The following ZXDC variants were observed in gnomAD, a reference collection of about 807,000 sequenced individuals.
ZXDC encodes the protein ZXD family zinc finger C, also known as zinc finger protein ZXDC.
Under a neutral mutation model 63.6 loss-of-function variants are expected in ZXDC, and 58 were observed. The ratio of observed to expected loss-of-function variants is 0.91; its 90% CI spans 0.74 to 1.13. The LOEUF (loss-of-function observed/expected upper bound fraction) is 1.13. Ranked by LOEUF, ZXDC falls within the 50% of genes most tolerant of loss-of-function variation. ZXDC has a pLI of 0.00. For synonymous variants in ZXDC, 561 were observed against 496.1 expected, an observed-to-expected ratio of 1.13 and a Z score of -1.74; for missense variants, 1,133 against 1,148.9, an observed-to-expected ratio of 0.99 and a Z score of 0.20.
At chr3:126,466,867 A>G (rs1934789908) in intron 4 of ZXDC, among the ~76,000 whole-genome samples, 1 of 152,110 alleles carries the variant, frequency 6.6e-6, no homozygotes, top group Non-Finnish European at 1.5e-5. Flanking sequence ...CTCCCAGTCC[A>G]CTTATGTCTC....
chr3:126,468,121 T>A (rs776654299), intron 4 of ZXDC, among the ~76,000 whole-genome samples: 6 of 151,966 alleles, frequency 3.9e-5, no homozygotes, highest in Non-Finnish European at 5.9e-5. Flanking sequence ...GAAGCAGCCA[T>A]CACTGACAGA....
intron 7 of ZXDC, chr3:126,457,200 C>A (rs893746382): frequency 1.1e-6 from 1 of 936,738 alleles, no homozygotes; most frequent in African/African-American, 1.8e-5. Context: ...GCCAGGACTG[C>A]GGCCACAGGG....
Position 126,472,295 on chromosome 3 carries a change from C to A in ZXDC, c.918G>T (p.Lys306Asn). The A allele has an allele frequency of 6.2e-7, 1 of 1,607,544 alleles. No homozygotes were observed. The highest frequency in any genetic ancestry group is 8.5e-7 in the Non-Finnish European group (1 of 1,174,538). Residue 306 changes from lysine to asparagine, a missense_variant, in exon 2 of 10, where the codon AAG becomes AAT. By Grantham distance (94) the Lys-to-Asn change is moderately conservative (BLOSUM62 0). Transcript: ENST00000389709. ...PYKCDFPGCEKTFITVSALFS... is the reference protein window; with the variant it reads ...PYKCDFPGCENTFITVSALFS... ...ACAGGGCACTCACTGTGATAAATGT[C>A]TTCTCACAGCCTGAACAAGGAAAAC...
At chr3:126,447,643 G>A (rs1350306311) in intron 7 of ZXDC, among the ~76,000 whole-genome samples, 1 of 152,164 alleles carries the variant, frequency 6.6e-6, no homozygotes, top group Non-Finnish European at 1.5e-5. Flanking sequence ...CACTGAAAAT[G>A]CCACTGACAG....
At position 126,475,586 on chromosome 3, in the gene ZXDC, G is replaced by T; in HGVS notation, c.280C>A (p.Gln94Lys). The T allele has an allele frequency of 6.8e-7, 1 of 1,460,440 alleles. No individual in the cohort carries two copies. 90.5% of individuals were successfully genotyped at this position (1,460,440 alleles called of 1,614,324 possible). Residue 94 changes from glutamine to lysine, a missense_variant, in exon 1 of 10, where the codon CAG becomes AAG. Coordinates refer to ENST00000389709, the MANE Select transcript of ZXDC (RefSeq NM_025112.5). ...ACACGGGAGCCAGGCTCGGCCTCCT[G>T]TGATCCGGCAGCCTCGGCGGCAGCG... Reference protein sequence around the residue: ...GGAAAEAAGSQEAEPGSRVNL... With the variant: ...GGAAAEAAGSKEAEPGSRVNL...
At chr3:126,474,576 C>A (rs1935107189) in intron 1 of ZXDC, among the ~76,000 whole-genome samples, 1 of 152,222 alleles carries the variant, frequency 6.6e-6, no homozygotes, top group Non-Finnish European at 1.5e-5. Context: ...TGGCCACATT[C>A]ATCTCTGCTC....
intron 6 of ZXDC, 90 bp from the exon 7 acceptor site, chr3:126,459,827 G>A: frequency 6.2e-7 from 1 of 1,603,468 alleles, no homozygotes; most frequent in Non-Finnish European, 8.5e-7. Flanking sequence ...GCCTGCTTCT[G>A]GGACATATCC....
intron 5 of ZXDC, among the ~76,000 whole-genome samples, chr3:126,465,713 G>C (rs570540669): frequency 1.3e-5 from 2 of 152,338 alleles, no homozygotes; most frequent in South Asian, 2.1e-4. Context: ...CACTTTGGGA[G>C]GCTGAGGTGG....
intron 5 of ZXDC, among the ~76,000 whole-genome samples, chr3:126,464,361 A>G (rs948211065): frequency 1.1e-4 from 16 of 152,168 alleles, no homozygotes; most frequent in African/African-American, 3.4e-4. Context: ...ATCAGTGACA[A>G]AGCAGTGAGG....
chr3:126,451,591 G>A lies in ZXDC; in HGVS notation c.2212+8062C>T, dbSNP rs1483522975. 8 of 985,326 alleles carry A rather than the reference G, an allele frequency of 8.1e-6. No individual in the cohort carries two copies. In the East Asian group the frequency reaches 5.7e-4, roughly 70 times the overall value. The allele number at this position is 985,326 out of a possible 1,614,324, so 61.0% of individuals were successfully genotyped here. On this transcript the variant is annotated intron_variant, in intron 7 of 9. Coordinates refer to ENST00000389709, the MANE Select transcript of ZXDC (RefSeq NM_025112.5). Reference sequence around the variant, plus strand: ...TCCTGAGAAAGCACAAGGACGCGCTGTGTGCACCAAGGCCGGCACTGGGCT... The same window carrying A: ...TCCTGAGAAAGCACAAGGACGCGCTATGTGCACCAAGGCCGGCACTGGGCT...
intron 7 of ZXDC, chr3:126,452,980 C>A: frequency 1.0e-6 from 1 of 977,880 alleles, no homozygotes; most frequent in Middle Eastern, 5.3e-4. Context: ...TCAAGCAATA[C>A]TCCCACCTCA....
chr3:126,456,771 C>T (rs1934321971), intron 7 of ZXDC, among the ~76,000 whole-genome samples: 15 of 151,926 alleles, frequency 9.9e-5, no homozygotes, highest in Admixed American at 9.8e-4. Context: ...CTTAGGGACC[C>T]CCAAGCCCCA....
In ZXDC at chr3:126,457,693, A is replaced by G. The variant is rs1383343830; in HGVS notation, c.2212+1960T>C. On this transcript the variant is annotated intron_variant, in intron 7 of 9. Coordinates refer to ENST00000389709, the MANE Select transcript of ZXDC (RefSeq NM_025112.5). ...AAAAACGAGAAGCTGCGCTTTATAG[A>G]CATGTCCCAGCTATAAGTAAGAAAG... 6.2e-6 allele frequency: 6 copies of G among 971,210 alleles called. No individual in the cohort carries two copies. The East Asian group carries it at 5.7e-4, about 92-fold the overall frequency. 60.2% of individuals were successfully genotyped at this position (971,210 alleles called of 1,614,324 possible).
intron 7 of ZXDC, chr3:126,451,610 C>T: frequency 7.1e-6 from 7 of 985,454 alleles, no homozygotes; most frequent in Non-Finnish European, 6.0e-6. Flanking sequence ...AAGGCCGGCA[C>T]TGGGCTCCTG....
chr3:126,449,912 C>T (rs1934032242), intron 7 of ZXDC, among the ~76,000 whole-genome samples: 1 of 152,222 alleles, frequency 6.6e-6, no homozygotes, highest in Non-Finnish European at 1.5e-5. Flanking sequence ...AAAGTGACAG[C>T]AGGACGCTCT....
intron 7 of ZXDC, chr3:126,454,051 CATAT>C: frequency 1.4e-6 from 1 of 698,100 alleles, no homozygotes; most frequent in Non-Finnish European, 1.7e-6. Context: ...TAGTACTACA[CATAT>C]ATATATATAT....
intron 7 of ZXDC, chr3:126,458,815 T>C (rs1004792546): frequency 1.3e-5 from 13 of 985,342 alleles, no homozygotes; most frequent in Non-Finnish European, 1.6e-5. Flanking sequence ...TTCTGGTACT[T>C]TGTGAACTGT....
chr3:126,459,606 G>T, intron 7 of ZXDC, 47 bp downstream of exon 7: 1 of 1,612,738 alleles, frequency 6.2e-7, no homozygotes, highest in Non-Finnish European at 8.5e-7. Flanking sequence ...CAGTGACAGA[G>T]AACCCTCAGG....
rs750396429 is a variant in ZXDC, at chr3:126,441,997, G to A, written c.2213-51C>T. ...CACCCAATCTACAATCTACCAGTCAGGTCTGCCCTTACCAAGGTCTCACTA... is the reference window on the plus strand; with the variant it reads ...CACCCAATCTACAATCTACCAGTCAAGTCTGCCCTTACCAAGGTCTCACTA... On this transcript the variant is annotated intron_variant, in intron 7 of 9. Coordinates refer to ENST00000389709, the MANE Select transcript of ZXDC (RefSeq NM_025112.5). The A allele has an allele frequency of 4.4e-5, 66 of 1,507,906 alleles. 1 individual carries two copies. The highest frequency in any genetic ancestry group is 2.7e-6 in the Non-Finnish European group (3 of 1,127,538). The allele number at this position is 1,507,906 out of a possible 1,614,324, so 93.4% of individuals were successfully genotyped here. A position where few individuals can be genotyped will look rare whatever the true frequency, so the allele number is the denominator to read the frequency against.
Sources: allele counts gnomAD v4.1 joint callset (sites outside exome capture counted in the v4.1 genomes callset), GRCh38; gene constraint gnomAD v4.1.1; transcripts MANE v1.5; gene names NCBI Gene and HGNC (gene_info 2026-07-23, HGNC 2026-07-21).